The following NIM1K variants were observed in gnomAD, a reference collection of about 807,000 sequenced individuals.
The protein encoded by NIM1K is NIM1 serine/threonine protein kinase.
Under a neutral mutation model 37.1 loss-of-function variants are expected in NIM1K, and 35 were observed. That is an observed-to-expected ratio of 0.94 (90% CI 0.72 to 1.25). NIM1K has a LOEUF of 1.25. Ranked by LOEUF, NIM1K falls within the 50% of genes most tolerant of loss-of-function variation. The pLI is 0.00. For missense variants in NIM1K, 564 were observed against 548.0 expected, an observed-to-expected ratio of 1.03 and a Z score of -0.29; for synonymous variants, 234 against 206.6, an observed-to-expected ratio of 1.13 and a Z score of -1.14.
intron 1 of NIM1K, among the ~76,000 whole-genome samples, chr5:43,217,136 C>A (rs917019392): frequency 6.6e-6 from 1 of 152,154 alleles, no homozygotes; most frequent in Non-Finnish European, 1.5e-5. Flanking sequence ...ACCAATCTCT[C>A]CCCTCATACT....
intron 1 of NIM1K, among the ~76,000 whole-genome samples, chr5:43,230,846 T>C (rs1314421218): frequency 1.3e-5 from 2 of 152,280 alleles, no homozygotes; most frequent in Non-Finnish European, 2.9e-5. Flanking sequence ...ATCTGCATTT[T>C]ACCAGAGCTT....
chr5:43,242,519 T>C (rs1166581667), intron 1 of NIM1K, among the ~76,000 whole-genome samples: 1 of 151,868 alleles, frequency 6.6e-6, no homozygotes, highest in Admixed American at 6.5e-5. Flanking sequence ...GACTTTGGAC[T>C]AAGCTTTTAC....
At chr5:43,264,090 A>C (rs1753081133) in intron 2 of NIM1K, among the ~76,000 whole-genome samples, 1 of 152,212 alleles carries the variant, frequency 6.6e-6, no homozygotes, top group Admixed American at 6.5e-5. Flanking sequence ...AGAAGAATGT[A>C]TATTCTGTTG....
chr5:43,250,143 C>T (rs1279560989), intron 2 of NIM1K, among the ~76,000 whole-genome samples: 1 of 152,022 alleles, frequency 6.6e-6, no homozygotes, highest in African/African-American at 2.4e-5. Context: ...TGAGCCACCG[C>T]GCCTGGCCGG....
At chr5:43,222,709 G>A (rs1752398323) in intron 1 of NIM1K, among the ~76,000 whole-genome samples, 1 of 151,760 alleles carries the variant, frequency 6.6e-6, no homozygotes, top group African/African-American at 2.4e-5. Flanking sequence ...ACTCCAACCT[G>A]GGCGACAGAG....
chr5:43,244,792 A>G (rs1752752198), intron 1 of NIM1K, among the ~76,000 whole-genome samples: 1 of 152,250 alleles, frequency 6.6e-6, no homozygotes, highest in South Asian at 2.1e-4. Flanking sequence ...TTGGTTTTAA[A>G]GCAACACAAG....
At chr5:43,277,753 T>C (rs1753368021) in intron 3 of NIM1K, among the ~76,000 whole-genome samples, 1 of 151,426 alleles carries the variant, frequency 6.6e-6, no homozygotes, top group South Asian at 2.1e-4. Context: ...GTTCTCTCTC[T>C]CTCTCTCTCC....
intron 1 of NIM1K, among the ~76,000 whole-genome samples, chr5:43,241,849 T>C (rs561603842): frequency 4.3e-4 from 65 of 152,064 alleles, no homozygotes; most frequent in Middle Eastern, 3.4e-3. Context: ...GCTGAGATCA[T>C]AAAAAAATTT....
intron 2 of NIM1K, among the ~76,000 whole-genome samples, chr5:43,260,771 C>G (rs893432040): frequency 1.3e-5 from 2 of 152,062 alleles, no homozygotes; most frequent in Admixed American, 1.3e-4. Context: ...TTCCCCCACC[C>G]GACGACAGGC....
At chr5:43,267,961 G>A (rs952836689) in intron 2 of NIM1K, among the ~76,000 whole-genome samples, 8 of 152,090 alleles carry the variant, frequency 5.3e-5, no homozygotes, top group African/African-American at 1.9e-4. Flanking sequence ...TATCTGTTAG[G>A]TCTACTTGTT....
chr5:43,272,449 C>G (rs922268483), intron 2 of NIM1K, among the ~76,000 whole-genome samples: 1 of 152,170 alleles, frequency 6.6e-6, no homozygotes, highest in Non-Finnish European at 1.5e-5. Flanking sequence ...TCATTCTGCT[C>G]TCAGCCCAGG....
intron 1 of NIM1K, chr5:43,233,271 C>A: frequency 2.0e-6 from 1 of 510,814 alleles, no homozygotes; most frequent in East Asian, 3.2e-5. Flanking sequence ...AGAGAACCTG[C>A]CTATTATTTT....
intron 1 of NIM1K, among the ~76,000 whole-genome samples, chr5:43,215,829 TTACG>T (rs1474035917): frequency 6.6e-6 from 1 of 152,220 alleles, no homozygotes; most frequent in Admixed American, 6.5e-5. Context: ...TTTAGTGGAT[TTACG>T]TTATTACTTA....
rs76903077 is a variant in NIM1K at position 43,221,108 on chromosome 5, A to G, written c.-694-23974A>G. ...AATAAGGTGTGGAGATAAATAAGAG[A>G]TTAAGAGAATACTGTTAAGTGAGTT... On this transcript the variant is annotated intron_variant, in intron 1 of 3. Coordinates refer to ENST00000326035, the MANE Select transcript of NIM1K (RefSeq NM_153361.4). Among the ~76,000 whole-genome samples, 17 of 152,282 alleles carry G rather than the reference A, an allele frequency of 1.1e-4. No individual in the cohort carries two copies. The East Asian group carries it at 2.9e-3, about 26-fold the overall frequency.
intron 1 of NIM1K, chr5:43,207,183 G>GT (rs1752128484): frequency 1.3e-6 from 1 of 742,684 alleles, no homozygotes; most frequent in African/African-American, 1.7e-5. Context: ...CTCATCCTGA[G>GT]TGGGGATGTT....
chr5:43,245,500 A>T lies in NIM1K; in HGVS notation c.-276A>T, dbSNP rs143117201. ...GCCAGTGGGTATGTAACATGTGCCTAATTGTACAGCTAGAGCCTGCAAGTT... is the reference window on the plus strand; with the variant it reads ...GCCAGTGGGTATGTAACATGTGCCTTATTGTACAGCTAGAGCCTGCAAGTT... On this transcript the variant is annotated 5_prime_UTR_variant, in exon 2 of 4. Transcript: ENST00000326035. The T allele has an allele frequency of 6.2e-5, 21 of 338,918 alleles. No individual in the cohort carries two copies. Among genetic ancestry groups the T allele is most frequent in the Non-Finnish European group, 1.1e-4 (20 of 187,004 alleles). The allele number at this position is 338,918 out of a possible 1,614,324, so 21.0% of individuals were successfully genotyped here.
At chr5:43,262,047 C>A (rs1753039143) in intron 2 of NIM1K, among the ~76,000 whole-genome samples, 2 of 152,146 alleles carry the variant, frequency 1.3e-5, no homozygotes, top group African/African-American at 4.8e-5. Context: ...TAGTGTGATG[C>A]CTCCTGCTTT....
intron 2 of NIM1K, among the ~76,000 whole-genome samples, chr5:43,267,899 G>A (rs1045647120): frequency 6.6e-6 from 1 of 152,148 alleles, no homozygotes; most frequent in Non-Finnish European, 1.5e-5. Context: ...TATTCCATGT[G>A]CTGATGAGAA....
chr5:43,258,833 TGTATACTG>T (rs1752986431), intron 2 of NIM1K, among the ~76,000 whole-genome samples: 1 of 152,156 alleles, frequency 6.6e-6, no homozygotes, highest in Non-Finnish European at 1.5e-5. Flanking sequence ...AATGATGAAC[TGTATACTG>T]GTGAAATCTT....
Sources: gnomAD v4.1 joint callset for allele counts (sites outside exome capture counted in the v4.1 genomes callset) on GRCh38, gnomAD v4.1.1 for gene constraint, MANE v1.5 for transcripts, NCBI Gene and HGNC (gene_info 2026-07-23, HGNC 2026-07-21) for gene names.